Variants in PDE1A observed in about 807,000 individuals in gnomAD.
PDE1A encodes the protein phosphodiesterase 1A, also known as dual specificity calcium/calmodulin-dependent 3',5'-cyclic nucleotide phosphodiesterase 1A.
A neutral mutation model predicts 61.7 loss-of-function variants in PDE1A; 35 were observed. The ratio of observed to expected loss-of-function variants is 0.57; its 90% CI spans 0.43 to 0.75. PDE1A has a LOEUF of 0.75. PDE1A is among the 30% of genes least tolerant of loss of function. PDE1A has a pLI of 0.00. For synonymous variants in PDE1A, 232 were observed against 213.2 expected (o/e 1.09, Z -0.77); for missense variants, 597 against 630.6 (o/e 0.95, Z 0.57).
the PDE1A span, among the ~76,000 whole-genome samples, chr2:182,581,853 C>A: frequency 6.6e-6 from 1 of 152,244 alleles, no homozygotes; most frequent in African/African-American, 2.4e-5. Context: ...ATTAACCCCC[C>A]TTCTGTATCA....
intron 4 of PDE1A, among the ~76,000 whole-genome samples, chr2:182,233,837 A>G (rs1371534780): frequency 6.6e-6 from 1 of 151,936 alleles, no homozygotes; most frequent in East Asian, 1.9e-4. Flanking sequence ...ATGTGAGCCA[A>G]TAACTTTACT....
At chr2:182,343,252 G>A (rs752943877) in intron 1 of PDE1A, among the ~76,000 whole-genome samples, 8 of 152,158 alleles carry the variant, frequency 5.3e-5, no homozygotes, top group Admixed American at 5.2e-4. Flanking sequence ...CATTTTGGTG[G>A]AAATTTAACA....
chr2:182,196,576 A>C (rs1002151622), intron 10 of PDE1A, among the ~76,000 whole-genome samples: 1 of 151,886 alleles, frequency 6.6e-6, no homozygotes, highest in Non-Finnish European at 1.5e-5. Context: ...TGATTAAGAT[A>C]TAGAGCATTT....
chr2:182,651,226 T>C, the PDE1A span, among the ~76,000 whole-genome samples: 1 of 152,114 alleles, frequency 6.6e-6, no homozygotes, highest in African/African-American at 2.4e-5. Context: ...AGCCTGGTCT[T>C]GAACTCCTGA....
chr2:182,208,398 C>A (rs1160237172), intron 7 of PDE1A, among the ~76,000 whole-genome samples: 1 of 152,134 alleles, frequency 6.6e-6, no homozygotes, highest in Non-Finnish European at 1.5e-5. Flanking sequence ...ACCATCAGAT[C>A]TCATGAGAAT....
At chr2:182,140,555 C>T (rs547047984) in exon 15 of PDE1A, 1 of 152,170 alleles carries the variant, frequency 6.6e-6, no homozygotes, top group South Asian at 2.1e-4. Context: ...ATAATAAAAA[C>T]ACAAGAATTG....
intron 1 of PDE1A, among the ~76,000 whole-genome samples, chr2:182,357,009 C>A (rs1699224278): frequency 6.6e-6 from 1 of 151,982 alleles, no homozygotes; most frequent in Non-Finnish European, 1.5e-5. Flanking sequence ...GGAAGGGGAA[C>A]ATCACACACC....
At chr2:182,573,280 A>C in the PDE1A span, among the ~76,000 whole-genome samples, 1 of 152,170 alleles carries the variant, frequency 6.6e-6, no homozygotes, top group African/African-American at 2.4e-5. Flanking sequence ...GACATCACTG[A>C]TCCTGTCAAA....
At chr2:182,543,093 TG>T in the PDE1A span, among the ~76,000 whole-genome samples, 1 of 152,172 alleles carries the variant, frequency 6.6e-6, no homozygotes, top group Non-Finnish European at 1.5e-5. Context: ...CAGGAAGCAG[TG>T]GGCACTGGAA....
chr2:182,344,435 T>C (rs1698388211), intron 1 of PDE1A, among the ~76,000 whole-genome samples: 1 of 152,180 alleles, frequency 6.6e-6, no homozygotes, highest in South Asian at 2.1e-4. Flanking sequence ...TACTTAATTA[T>C]AACATAATTT....
the PDE1A span, among the ~76,000 whole-genome samples, chr2:182,611,282 T>G: frequency 6.6e-6 from 1 of 152,078 alleles, no homozygotes; most frequent in Non-Finnish European, 1.5e-5. Flanking sequence ...GTTTACCACT[T>G]GAGGAGCGCA....
At chr2:182,471,812 A>G (rs1251820101) in intron 2 of PDE1A, among the ~76,000 whole-genome samples, 1 of 151,786 alleles carries the variant, frequency 6.6e-6, no homozygotes, top group East Asian at 1.9e-4. Flanking sequence ...GAAAGAGAAA[A>G]TATTTCCAAA....
chr2:182,639,395 C>T, the PDE1A span, among the ~76,000 whole-genome samples: 4 of 152,082 alleles, frequency 2.6e-5, no homozygotes, highest in Admixed American at 2.0e-4. Context: ...TGGCGAAAAC[C>T]CGTCTCTTAC....
At chr2:182,668,430 T>A in the PDE1A span, among the ~76,000 whole-genome samples, 5 of 151,272 alleles carry the variant, frequency 3.3e-5, no homozygotes, top group South Asian at 1.1e-3. Context: ...GAGACTAGCA[T>A]GAGACCGAAA....
At chr2:182,659,942 G>T in the PDE1A span, among the ~76,000 whole-genome samples, 3 of 152,146 alleles carry the variant, frequency 2.0e-5, no homozygotes, top group Admixed American at 2.0e-4. Flanking sequence ...TATTCAAACT[G>T]CAAAAGAATA....
the PDE1A span, among the ~76,000 whole-genome samples, chr2:182,535,655 A>G: frequency 6.6e-6 from 1 of 152,088 alleles, no homozygotes; most frequent in Non-Finnish European, 1.5e-5. Flanking sequence ...AAATGTATGT[A>G]CATTTGACGG....
chr2:182,329,334 T>C (rs1329472605), intron 1 of PDE1A, among the ~76,000 whole-genome samples: 1 of 152,186 alleles, frequency 6.6e-6, no homozygotes, highest in Non-Finnish European at 1.5e-5. Context: ...TATCCATATA[T>C]TCATAAAGTT....
In PDE1A at chr2:182,313,381, T is replaced by A. The variant is rs188554731; in HGVS notation, c.54-48967A>T. Among the ~76,000 whole-genome samples, 419 of 152,220 alleles carry A rather than the reference T, an allele frequency of 2.8e-3. 3 individuals are homozygous for A. The highest frequency in any genetic ancestry group is 3.8e-3 in the Non-Finnish European group (257 of 68,016). ...GTGAGCTGAGATCGTGCCACTGCAC[T>A]CCAGTCTAGGTGACAGAGAAAGACT... On this transcript the variant is annotated intron_variant, in intron 1 of 13. Coordinates refer to ENST00000351439, the Ensembl canonical transcript of PDE1A.
intron 8 of PDE1A, among the ~76,000 whole-genome samples, chr2:182,203,563 G>A (rs1351513827): frequency 1.3e-5 from 2 of 152,064 alleles, no homozygotes; most frequent in Non-Finnish European, 2.9e-5. Flanking sequence ...GTTTGCTAAG[G>A]AAAATGAGAT....
Sources: gnomAD v4.1 joint callset for allele counts (sites outside exome capture counted in the v4.1 genomes callset) on GRCh38, gnomAD v4.1.1 for gene constraint, MANE v1.5 for transcripts, NCBI Gene and HGNC (gene_info 2026-07-23, HGNC 2026-07-21) for gene names.